Variants in ABCA13 observed in about 807,000 individuals in gnomAD.
ABCA13 encodes the protein ATP binding cassette subfamily A member 13, also known as ATP-binding cassette sub-family A member 13.
ABCA13 carries 476 observed loss-of-function variants against 478.7 expected under a neutral mutation model. The ratio of observed to expected loss-of-function variants is 0.99; its 90% CI spans 0.92 to 1.07. ABCA13 has a LOEUF of 1.07. ABCA13 is among the 50% of genes least tolerant of loss of function. ABCA13 has a pLI of 0.00. For synonymous variants in ABCA13, 2,252 were observed against 2,158.9 expected (o/e 1.04, Z -1.20); for missense variants, 6,060 against 5,910.6 (o/e 1.03, Z -0.83).
At chr7:48,453,714 T>C (rs1825319196) in intron 42 of ABCA13, among the ~76,000 whole-genome samples, 1 of 152,222 alleles carries the variant, frequency 6.6e-6, no homozygotes, top group Non-Finnish European at 1.5e-5. Context: ...GGCCTGTTTC[T>C]CACTTTTTCC....
intron 21 of ABCA13, 34 bp downstream of exon 21, chr7:48,295,897 T>G: frequency 6.4e-7 from 1 of 1,565,532 alleles, no homozygotes. Context: ...CCCTCCCCAG[T>G]ACTTCCATTC....
At chr7:48,486,448 T>A (rs932686425) in intron 47 of ABCA13, among the ~76,000 whole-genome samples, 11 of 152,214 alleles carry the variant, frequency 7.2e-5, no homozygotes, top group African/African-American at 2.7e-4. Context: ...CACCCTTTTT[T>A]CAATTATTTA....
intron 58 of ABCA13, among the ~76,000 whole-genome samples, 169 bp downstream of exon 58, chr7:48,594,982 C>T (rs1316171123): frequency 1.3e-5 from 2 of 152,132 alleles, no homozygotes; most frequent in African/African-American, 4.8e-5. Flanking sequence ...AGACTGAAGC[C>T]ATGAGGGATT....
At chr7:48,473,033 A>C (rs1361891401) in intron 45 of ABCA13, among the ~76,000 whole-genome samples, 1 of 152,216 alleles carries the variant, frequency 6.6e-6, no homozygotes, top group Non-Finnish European at 1.5e-5. Flanking sequence ...TGGCAGCAGC[A>C]AGAGAGAGAA....
chr7:48,559,115 G>T (rs1004544465), intron 55 of ABCA13, among the ~76,000 whole-genome samples: 4 of 152,178 alleles, frequency 2.6e-5, no homozygotes, highest in African/African-American at 9.7e-5. Context: ...ATTCCCTTCA[G>T]GGGGTGAGTT....
Position 48,198,368 on chromosome 7 carries a change from A to G in ABCA13, c.287+8A>G. 1 of 1,613,108 alleles carries G rather than the reference A, an allele frequency of 6.2e-7. No homozygotes were observed. The highest frequency in any genetic ancestry group is 8.5e-7 in the Non-Finnish European group (1 of 1,179,614). ...AATGGAGCATCATTTTCGGTAAGAG[A>G]AACACAAAGATCTTTTTCAGAAATC... is the stretch of plus-strand genomic sequence containing the variant. On this transcript the variant is annotated splice_region_variant and intron_variant, in intron 3 of 61. Coordinates refer to ENST00000435803, the MANE Select transcript of ABCA13 (RefSeq NM_152701.5).
chr7:48,410,813 T>G, intron 40 of ABCA13, 136 bp downstream of exon 40: 1 of 1,283,840 alleles, frequency 7.8e-7, no homozygotes, highest in Non-Finnish European at 1.1e-6. Flanking sequence ...CCAAAATAAG[T>G]GGCCCCAGGC....
intron 27 of ABCA13, among the ~76,000 whole-genome samples, chr7:48,325,479 G>A (rs572904899): frequency 2.0e-5 from 3 of 151,998 alleles, no homozygotes; most frequent in Middle Eastern, 3.4e-3. Flanking sequence ...AATATCAGAC[G>A]GTGCTTAAAA....
intron 40 of ABCA13, 88 bp downstream of exon 40, chr7:48,410,765 G>C: frequency 1.3e-6 from 2 of 1,518,126 alleles, no homozygotes; most frequent in East Asian, 4.5e-5. Flanking sequence ...TAGTAATAAC[G>C]TCTCAGTGGA....
At chr7:48,293,192 G>GCCCC (rs367570188) in intron 20 of ABCA13, among the ~76,000 whole-genome samples, 4,980 of 106,862 alleles carry the variant, frequency 0.047, 650 homozygotes, top group South Asian at 0.087. Flanking sequence ...GAAGTCTTCA[G>GCCCC]CCCCCCCCCC....
intron 55 of ABCA13, among the ~76,000 whole-genome samples, chr7:48,541,716 A>T (rs1833952102): frequency 9.3e-6 from 1 of 107,648 alleles, no homozygotes; most frequent in Non-Finnish European, 1.7e-5. Flanking sequence ...GAAGAAAAAG[A>T]GATATATATA....
intron 55 of ABCA13, among the ~76,000 whole-genome samples, chr7:48,561,697 G>T (rs1021785975): frequency 2.6e-5 from 4 of 152,010 alleles, no homozygotes; most frequent in African/African-American, 9.7e-5. Context: ...TCTCTTCACT[G>T]CTGTTTTCTT....
At chr7:48,374,719 C>G (rs1813186525) in intron 34 of ABCA13, among the ~76,000 whole-genome samples, 2 of 152,156 alleles carry the variant, frequency 1.3e-5, no homozygotes, top group African/African-American at 4.8e-5. Context: ...ACCTTCTGAA[C>G]CTTCCAAGAT....
chr7:48,350,914 C>A, intron 30 of ABCA13, 95 bp downstream of exon 30: 1 of 1,274,152 alleles, frequency 7.8e-7, no homozygotes, highest in South Asian at 1.6e-5. Flanking sequence ...TATGATAGCT[C>A]AGAAAGAAAA....
intron 1 of ABCA13, among the ~76,000 whole-genome samples, chr7:48,183,121 G>A (rs1288973811): frequency 6.6e-6 from 1 of 152,088 alleles, no homozygotes; most frequent in African/African-American, 2.4e-5. Context: ...AACTTATGGT[G>A]TTTTCCTCTT....
chr7:48,305,342 C>T (rs529523713), intron 23 of ABCA13, among the ~76,000 whole-genome samples: 3 of 152,306 alleles, frequency 2.0e-5, no homozygotes, highest in South Asian at 2.1e-4. Context: ...TCCTGCCCTC[C>T]GATGCTCATC....
chr7:48,518,483 G>T (rs1206354117), intron 52 of ABCA13, among the ~76,000 whole-genome samples: 10 of 152,082 alleles, frequency 6.6e-5, no homozygotes, highest in Admixed American at 1.3e-4. Flanking sequence ...CAAGTGGAAA[G>T]CCTTGTTACC....
intron 31 of ABCA13, among the ~76,000 whole-genome samples, chr7:48,366,248 T>G (rs1306908402): frequency 6.6e-6 from 1 of 152,088 alleles, no homozygotes; most frequent in Non-Finnish European, 1.5e-5. Context: ...TGCCCTTTTT[T>G]TTCCTTTGCC....
chr7:48,507,752 TG>T, intron 49 of ABCA13, 119 bp from the exon 50 acceptor site: 1 of 1,206,956 alleles, frequency 8.3e-7, no homozygotes, highest in Non-Finnish European at 1.1e-6. Flanking sequence ...CCAACATGCC[TG>T]GCTGATTATG....
Sources: allele counts gnomAD v4.1 joint callset (sites outside exome capture counted in the v4.1 genomes callset), GRCh38; gene constraint gnomAD v4.1.1; transcripts MANE v1.5; gene names NCBI Gene and HGNC (gene_info 2026-07-23, HGNC 2026-07-21).